The following OAT variants were observed in gnomAD, a reference collection of about 807,000 sequenced individuals.
OAT encodes the protein ornithine aminotransferase, mitochondrial.
A neutral mutation model predicts 48.4 loss-of-function variants in OAT; 35 were observed. The ratio of observed to expected loss-of-function variants is 0.72; its 90% CI spans 0.55 to 0.96. The LOEUF (loss-of-function observed/expected upper bound fraction) is 0.96. OAT is among the 40% of genes least tolerant of loss of function. OAT has a pLI of 0.00. For synonymous variants in OAT, 182 were observed against 198.4 expected (o/e 0.92, Z 0.70); for missense variants, 438 against 537.9 (o/e 0.81, Z 1.84).
intron 1 of OAT, among the ~76,000 whole-genome samples, chr10:124,413,712 T>C (rs1018010000): frequency 6.6e-6 from 1 of 152,140 alleles, no homozygotes; most frequent in African/African-American, 2.4e-5. Context: ...GAAAAAGCTA[T>C]TGTTAGCAAA....
At chr10:124,398,132 C>G (rs748723444) in intron 9 of OAT, 30 bp from the exon 10 acceptor site, 1 of 1,612,436 alleles carries the variant, frequency 6.2e-7, no homozygotes, top group East Asian at 2.2e-5. Context: ...CGTACATGCT[C>G]AAAGATAAAC....
At chr10:124,406,987 G>A (rs1382190737) in intron 4 of OAT, 3 of 985,166 alleles carry the variant, frequency 3.0e-6, no homozygotes, top group Non-Finnish European at 3.6e-6. Flanking sequence ...ATAACAGAGA[G>A]GTTGGGAGTT....
At chr10:124,413,868 C>T (rs894873800) in intron 1 of OAT, among the ~76,000 whole-genome samples, 2 of 152,148 alleles carry the variant, frequency 1.3e-5, no homozygotes, top group African/African-American at 4.8e-5. Flanking sequence ...TCTCCCCAGT[C>T]ACCCCCAGCC....
intron 6 of OAT, chr10:124,403,261 C>T (rs1057337552): frequency 6.4e-6 from 4 of 627,412 alleles, no homozygotes; most frequent in Non-Finnish European, 8.4e-6. Flanking sequence ...TTTGTCAGGC[C>T]ACTATCTCCC....
chr10:124,398,012 G>T lies in OAT; in HGVS notation c.1250C>A (p.Pro417Gln). ...THGDIIRFAP[P>Q]LVIKEDELRE... The stretch of plus-strand genomic sequence containing the variant: ...AAGCTCATCCTCCTTGATCACCAGC[G>T]GAGGCGCAAACCTGATAATGTCGCC... Residue 417 changes from proline to glutamine, a missense_variant, in exon 10 of 10, where the codon CCG becomes CAG. By Grantham distance (76) the Pro-to-Gln change is moderately conservative. Coordinates refer to ENST00000368845, the MANE Select transcript of OAT (RefSeq NM_000274.4). 6.2e-7 allele frequency: 1 copy of T among 1,613,990 alleles called. No homozygotes were observed. Among genetic ancestry groups the T allele is most frequent in the South Asian group, 1.1e-5 (1 of 91,082 alleles).
At chr10:124,411,852 C>T (rs1256761991) in intron 2 of OAT, 121 bp downstream of exon 2, 3 of 812,454 alleles carry the variant, frequency 3.7e-6, no homozygotes, top group South Asian at 1.6e-5. Flanking sequence ...AAGAATTAAC[C>T]ATGTCTGCAA....
chr10:124,417,406 T>C (rs1465217123), intron 1 of OAT, among the ~76,000 whole-genome samples: 1 of 143,634 alleles, frequency 7.0e-6, no homozygotes, highest in Non-Finnish European at 1.5e-5. Flanking sequence ...TGCCTCAGCC[T>C]CCCGAGTAGC....
At chr10:124,411,157 AAAAAAAAG>A (rs1253734301) in intron 2 of OAT, among the ~76,000 whole-genome samples, 4 of 145,786 alleles carry the variant, frequency 2.7e-5, no homozygotes, top group East Asian at 2.0e-4. Context: ...AAAAAAAAAA[AAAAAAAAG>A]AAGAAGAGAT....
chr10:124,404,375 C>A (rs892447679), intron 5 of OAT, among the ~76,000 whole-genome samples: 17 of 151,572 alleles, frequency 1.1e-4, no homozygotes, highest in Non-Finnish European at 2.4e-4. Context: ...TCCAGCAATT[C>A]TCCTGCCTCA....
rs1371412935 is a variant in OAT at position 124,397,998 on chromosome 10, C to A, written c.1264G>T (p.Glu422Ter). Residue 422 changes from glutamate (E) to a stop codon, truncating the protein, a stop_gained, in exon 10 of 10, where the codon GAG (glutamate) becomes TAG (stop). Transcript: ENST00000368845. LOFTEE classifies it high-confidence loss of function. ...IRFAPPLVIKEDELRESIEII... is the reference protein window; with the variant it reads ...IRFAPPLVIK ...TCAATGGACTCTCGAAGCTCATCCT[C>A]CTTGATCACCAGCGGAGGCGCAAAC... The A allele has an allele frequency of 6.2e-7, 1 of 1,613,972 alleles. No individual in the cohort carries two copies. The highest frequency in any genetic ancestry group is 1.1e-5 in the South Asian group (1 of 91,082).
intron 8 of OAT, 49 bp from the exon 9 acceptor site, chr10:124,401,033 T>A (rs1951393651): frequency 6.9e-7 from 1 of 1,448,066 alleles, no homozygotes; most frequent in Non-Finnish European, 9.6e-7. Context: ...CCTTTTTTTG[T>A]TTTTTGGAGG....
intron 7 of OAT, among the ~76,000 whole-genome samples, chr10:124,402,227 G>A (rs1172309288): frequency 3.9e-5 from 6 of 152,084 alleles, no homozygotes; most frequent in South Asian, 4.1e-4. Flanking sequence ...TGACTTCAAC[G>A]AAAGAGTTTA....
chr10:124,401,808 A>C lies in OAT; in HGVS notation c.932T>G (p.Met311Arg). The C allele has an allele frequency of 6.2e-7, 1 of 1,613,384 alleles. No individual in the cohort carries two copies. Among genetic ancestry groups the C allele is most frequent in the Non-Finnish European group, 8.5e-7 (1 of 1,179,822 alleles). Residue 311 changes from methionine (M) to arginine (R), a missense_variant, in exon 8 of 10, where the codon ATG becomes AGG. Physicochemically the swap from Met to Arg is moderately conservative, Grantham distance 91. Transcript: ENST00000368845. ...ATGCTCCCCTGGCTTAATGGTCAGCATGATGTCATCATCACACAGCACTGC... is the reference window on the plus strand; with the variant it reads ...ATGCTCCCCTGGCTTAATGGTCAGCCTGATGTCATCATCACACAGCACTGC... ...VSAVLCDDDI[M>R]LTIKPGEHGS... is the part of the protein sequence containing the mutation.
rs75952005 is a variant in OAT at position 124,415,074 on chromosome 10, TAAAAAAAAAAA to T, written c.-29-2885_-29-2875del. On this transcript the variant is annotated intron_variant, in intron 1 of 9. Transcript: ENST00000368845. ...CACTCCAGCCTGGGCTACAAAGCGC[TAAAAAAAAAAA>T]AAAAAAAAAAAAAAAAAAAAAAAAA... 2.1e-3 allele frequency: 35 copies of T among 16,854 alleles called. 2 individuals carry two copies. Among genetic ancestry groups the T allele is most frequent in the East Asian group, 5.7e-3 (3 of 530 alleles). The allele number at this position is 16,854 out of a possible 1,614,324, so 1.0% of individuals were successfully genotyped here. A position where few individuals can be genotyped will look rare whatever the true frequency, so the allele number is the denominator to read the frequency against.
At chr10:124,401,873 A>C in intron 7 of OAT, 34 bp from the exon 8 acceptor site, 60 of 1,466,042 alleles carry the variant, frequency 4.1e-5, no homozygotes, top group Non-Finnish European at 5.5e-5. Flanking sequence ...GTCATTTCTC[A>C]GCACTAAGCA....
chr10:124,404,038 T>A, intron 5 of OAT, 118 bp from the exon 6 acceptor site: 1 of 1,222,882 alleles, frequency 8.2e-7, no homozygotes, highest in African/African-American at 1.5e-5. Context: ...CGCACTAACG[T>A]AAATTCTGAC....
intron 4 of OAT, among the ~76,000 whole-genome samples, chr10:124,406,462 G>A (rs1018805935): frequency 3.3e-5 from 5 of 151,950 alleles, no homozygotes; most frequent in Non-Finnish European, 7.4e-5. Flanking sequence ...CTGCATTCCG[G>A]CCTGGGTGAC....
At chr10:124,398,659 CAAAA>C (rs33917094) in intron 9 of OAT, among the ~76,000 whole-genome samples, 25 of 132,184 alleles carry the variant, frequency 1.9e-4, no homozygotes, top group East Asian at 2.4e-4. Flanking sequence ...AAGACCAAGC[CAAAA>C]AAAAAAAAAA....
chr10:124,413,238 A>T (rs1951809045), intron 1 of OAT, among the ~76,000 whole-genome samples: 1 of 151,132 alleles, frequency 6.6e-6, no homozygotes. Flanking sequence ...GTTGAATTAG[A>T]CCAACATATA....
Sources: gnomAD v4.1 joint callset for allele counts (sites outside exome capture counted in the v4.1 genomes callset) on GRCh38, gnomAD v4.1.1 for gene constraint, MANE v1.5 for transcripts, NCBI Gene and HGNC (gene_info 2026-07-23, HGNC 2026-07-21) for gene names.